Variants in C6orf120 observed in about 807,000 individuals in gnomAD.
C6orf120 encodes the protein chromosome 6 open reading frame 120.
For synonymous variants in C6orf120, 165 were observed against 123.1 expected, an observed-to-expected ratio of 1.34 and a Z score of -2.25; for missense variants, 311 against 264.2, an observed-to-expected ratio of 1.18 and a Z score of -1.23.
At chr6:169,702,795 C>G (rs1430431347) in exon 1 of C6orf120, 1 of 1,613,096 alleles carries the variant, frequency 6.2e-7, no homozygotes, top group African/African-American at 1.3e-5. Context: ...ACTTCCGGCG[C>G]CCAGTGGGCA....
chr6:169,705,138 G>A, downstream of C6orf120: 6 of 1,596,658 alleles, frequency 3.8e-6, no homozygotes, highest in South Asian at 4.5e-5. Context: ...TTTACCTGAT[G>A]GAATAGCACC....
chr6:169,704,362 A>G (rs1788697242), exon 1 of C6orf120: 1 of 391,670 alleles, frequency 2.6e-6, no homozygotes, highest in East Asian at 4.2e-5. Context: ...ATCTTTCCTG[A>G]AATTCAAACA....
At chr6:169,703,774 AT>A (rs1192126468) in exon 1 of C6orf120, 1 of 513,920 alleles carries the variant, frequency 1.9e-6, no homozygotes, top group Non-Finnish European at 3.4e-6. Flanking sequence ...GTTACTAAAC[AT>A]TTCCACTGAA....
exon 1 of C6orf120, chr6:169,702,672 C>G: frequency 1.2e-6 from 2 of 1,613,494 alleles, no homozygotes; most frequent in Non-Finnish European, 1.7e-6. Flanking sequence ...GGATGCGCAG[C>G]CTCAAGGGAG....
In C6orf120 at chr6:169,702,885, CCCGTTCGGCGAGG is replaced by C; in HGVS notation, c.430_442del (p.Phe144ProfsTer32). 1 of 1,612,120 alleles carries C rather than the reference CCCGTTCGGCGAGG, an allele frequency of 6.2e-7. No homozygotes were observed. Among genetic ancestry groups the C allele is most frequent in the Non-Finnish European group, 8.5e-7 (1 of 1,179,938 alleles). ...ACTACGACGGCACGGTCGAGCAGCACCCGTTCGGCGAGGCCGCCTACCCCGCCGACGGCGCAGA... is the reference window on the plus strand; with the variant it reads ...ACTACGACGGCACGGTCGAGCAGCACCCGCCTACCCCGCCGACGGCGCAGA... On this transcript the variant is annotated frameshift_variant, in exon 1 of 1. Transcript: ENST00000332290. LOFTEE classifies it low-confidence loss of function (END_TRUNC).
At chr6:169,704,171 G>C in exon 1 of C6orf120, 1 of 965,248 alleles carries the variant, frequency 1.0e-6, no homozygotes, top group Admixed American at 3.3e-5. Context: ...TTCTGCCTTA[G>C]CTATCACTAA....
At chr6:169,702,127 C>T (rs376248343), upstream of C6orf120, 1 of 572,904 alleles carries the variant, frequency 1.7e-6, no homozygotes, top group Non-Finnish European at 3.3e-6. Flanking sequence ...CCTAGCGTCA[C>T]TTCCGCCTCC....
chr6:169,704,937 T>C, downstream of C6orf120: 1 of 425,944 alleles, frequency 2.3e-6, no homozygotes, highest in Non-Finnish European at 4.3e-6. Flanking sequence ...CATTCTGGCC[T>C]TTCACTTATC....
downstream of C6orf120, among the ~76,000 whole-genome samples, chr6:169,705,877 A>C (rs1788767963): frequency 6.6e-6 from 1 of 152,222 alleles, no homozygotes. Flanking sequence ...GTCTGCCTAC[A>C]ATGTAAGACT....
exon 1 of C6orf120, chr6:169,702,478 A>G (rs2128326518): frequency 6.4e-7 from 1 of 1,565,084 alleles, no homozygotes; most frequent in Non-Finnish European, 8.7e-7. Flanking sequence ...TCCCCGCGGG[A>G]GGGCCGCGCC....
downstream of C6orf120, chr6:169,705,028 G>A: frequency 1.3e-6 from 1 of 754,132 alleles, no homozygotes. Context: ...TTGCACATAA[G>A]AGTCCACAAG....
At chr6:169,703,750 G>C in exon 1 of C6orf120, 1 of 476,042 alleles carries the variant, frequency 2.1e-6, no homozygotes, top group African/African-American at 2.1e-5. Flanking sequence ...TGGAGAAACA[G>C]TTAAGTATCT....
chr6:169,703,151 G>A (rs1175032477), exon 1 of C6orf120: 3 of 1,138,126 alleles, frequency 2.6e-6, no homozygotes, highest in Non-Finnish European at 2.5e-6. Context: ...GTCAAGGGAT[G>A]GAAAAATAAA....
At chr6:169,702,684 T>A (rs760242279) in exon 1 of C6orf120, 31 of 1,613,382 alleles carry the variant, frequency 1.9e-5, no homozygotes, top group Admixed American at 3.3e-5. Context: ...TCAAGGGAGA[T>A]GCGGATCTGT....
At chr6:169,703,934 AAAT>A (rs1788645708) in exon 1 of C6orf120, 8 of 1,265,030 alleles carry the variant, frequency 6.3e-6, no homozygotes, top group East Asian at 5.3e-5. Flanking sequence ...ATTGGCATGA[AAAT>A]AATGTTGTAA....
downstream of C6orf120, chr6:169,705,583 G>T: frequency 9.0e-7 from 1 of 1,111,066 alleles, no homozygotes; most frequent in Non-Finnish European, 1.4e-6. Context: ...AAATACGGTG[G>T]TTAAAATTTT....
downstream of C6orf120, chr6:169,705,193 A>G: frequency 6.2e-7 from 1 of 1,613,930 alleles, no homozygotes; most frequent in Non-Finnish European, 8.5e-7. Flanking sequence ...CACATATCAC[A>G]GAACATCATT....
chr6:169,702,889 T>G, exon 1 of C6orf120: 1 of 1,612,126 alleles, frequency 6.2e-7, no homozygotes, highest in Middle Eastern at 1.6e-4. Context: ...GCAGCACCCG[T>G]TCGGCGAGGC....
chr6:169,705,381 A>T, downstream of C6orf120: 1 of 1,174,206 alleles, frequency 8.5e-7, no homozygotes, highest in Non-Finnish European at 1.2e-6. Context: ...AATATGGCAC[A>T]TAAAATACTA....
Sources: gnomAD v4.1 joint callset for allele counts (sites outside exome capture counted in the v4.1 genomes callset) on GRCh38, gnomAD v4.1.1 for gene constraint, MANE v1.5 for transcripts, NCBI Gene and HGNC (gene_info 2026-07-23, HGNC 2026-07-21) for gene names.